SLC4A5: variants seen among roughly 807,000 people sequenced by gnomAD.
SLC4A5 encodes solute carrier family 4 member 5.
A neutral mutation model predicts 120.4 loss-of-function variants in SLC4A5; 96 were observed. That is an observed-to-expected ratio of 0.80 (90% CI 0.68 to 0.94). The LOEUF is 0.94. SLC4A5 is among the 40% of genes least tolerant of loss of function. The pLI, the probability that SLC4A5 is intolerant of heterozygous loss-of-function variation, is 0.00. For missense variants in SLC4A5, 1,259 were observed against 1,459.5 expected (o/e 0.86, Z 2.24); for synonymous variants, 550 against 571.1 (o/e 0.96, Z 0.53).
intron 8 of SLC4A5, among the ~76,000 whole-genome samples, chr2:74,283,691 T>C (rs891689085): frequency 1.3e-5 from 2 of 152,190 alleles, no homozygotes; most frequent in Admixed American, 1.3e-4. Flanking sequence ...GAGACAGACC[T>C]GGGCACGGTT....
chr2:74,274,926 A>T (rs1029409159), intron 8 of SLC4A5, among the ~76,000 whole-genome samples: 1 of 152,166 alleles, frequency 6.6e-6, no homozygotes, highest in Non-Finnish European at 1.5e-5. Context: ...TAGACTTAGG[A>T]TGATCTTTCA....
intron 16 of SLC4A5, among the ~76,000 whole-genome samples, chr2:74,251,209 G>A (rs956536423): frequency 3.3e-5 from 5 of 151,710 alleles, no homozygotes; most frequent in Admixed American, 1.3e-4. Flanking sequence ...TCCCCTCTCC[G>A]GTTGTGACAA....
chr2:74,285,682 G>T, intron 8 of SLC4A5, 91 bp downstream of exon 8: 1 of 1,508,402 alleles, frequency 6.6e-7, no homozygotes, highest in Non-Finnish European at 9.0e-7. Flanking sequence ...AGCTCTCAAG[G>T]TACAAGGTGC....
chr2:74,284,218 G>A lies in SLC4A5; in HGVS notation c.401+1555C>T, dbSNP rs528562588. On this transcript the variant is annotated intron_variant, in intron 8 of 30. Coordinates refer to ENST00000394019, the Ensembl canonical transcript of SLC4A5. The stretch of plus-strand genomic sequence containing the variant: ...GGAGTCTCGCTCTGTCGCCCAGGTC[G>A]GACTGCGGACTGCAGTGGCGCAATC... Among the ~76,000 whole-genome samples, 6 of 67,936 alleles carry A rather than the reference G, an allele frequency of 8.8e-5. 1 individual carries two copies. Among genetic ancestry groups the A allele is most frequent in the Non-Finnish European group, 1.3e-4 (6 of 44,916 alleles). The allele number at this position is 67,936 out of a possible 152,430, so 44.6% of individuals were successfully genotyped here. A position where few individuals can be genotyped will look rare whatever the true frequency, so the allele number is the denominator to read the frequency against.
chr2:74,286,024 A>G (rs1671971456), intron 7 of SLC4A5, 122 bp from the exon 8 acceptor site: 3 of 1,186,504 alleles, frequency 2.5e-6, no homozygotes, highest in Non-Finnish European at 3.4e-6. Context: ...CTGTAAAACT[A>G]AGTCCAGCTC....
chr2:74,219,580 A>G (rs900979309), intron 30 of SLC4A5, among the ~76,000 whole-genome samples: 11 of 152,128 alleles, frequency 7.2e-5, no homozygotes, highest in African/African-American at 2.2e-4. Flanking sequence ...AGGTTGGGAG[A>G]TACCATCTCC....
chr2:74,254,401 GGTTA>G (rs1670893087), intron 14 of SLC4A5, among the ~76,000 whole-genome samples: 1 of 152,140 alleles, frequency 6.6e-6, no homozygotes, highest in Non-Finnish European at 1.5e-5. Flanking sequence ...GCTAGCACAT[GGTTA>G]GTTTTACAAT....
At chr2:74,224,731 AG>A in intron 28 of SLC4A5, 108 bp downstream of exon 28, 1 of 1,464,790 alleles carries the variant, frequency 6.8e-7, no homozygotes, top group South Asian at 1.4e-5. Context: ...GACTGGGCCG[AG>A]GCACTGCTGC....
chr2:74,244,575 TTCC>T (rs1326751056), intron 19 of SLC4A5, among the ~76,000 whole-genome samples: 14 of 149,750 alleles, frequency 9.3e-5, no homozygotes, highest in African/African-American at 1.2e-4. Context: ...CTTCTTCTTC[TTCC>T]TCCTCCTCCT....
In SLC4A5 at chr2:74,230,706, G is replaced by T. The variant is rs77025584; in HGVS notation, c.2847+530C>A. On this transcript the variant is annotated intron_variant, in intron 25 of 30. Transcript: ENST00000394019. ...GTGGCCCTGGGATGGGTGGGAGAGA[G>T]GATTGGTGATGATAAAAAACTGCAG... 9.0e-3 allele frequency among the ~76,000 whole-genome samples: 1,373 copies of T among 152,204 alleles called. 24 individuals are homozygous for T. The highest frequency in any genetic ancestry group is 0.032 in the African/African-American group (1,328 of 41,568).
chr2:74,224,882 C>G (rs778027532), exon 28 of SLC4A5: 1 of 1,613,994 alleles, frequency 6.2e-7, no homozygotes, highest in South Asian at 1.1e-5. Context: ...TTCTCTTCCT[C>G]TTCTTGTCTG....
At chr2:74,325,693 A>T (rs1673200310) in intron 5 of SLC4A5, among the ~76,000 whole-genome samples, 1 of 152,184 alleles carries the variant, frequency 6.6e-6, no homozygotes, top group South Asian at 2.1e-4. Flanking sequence ...ACTATAATTC[A>T]GTGAGGTATA....
exon 7 of SLC4A5, chr2:74,304,527 C>A (rs1179701740): frequency 1.2e-6 from 2 of 1,613,870 alleles, no homozygotes; most frequent in African/African-American, 2.7e-5. Flanking sequence ...GTCCTGGCTG[C>A]TTGCCCCACT....
At chr2:74,261,068 C>T (rs1671118398) in intron 11 of SLC4A5, among the ~76,000 whole-genome samples, 1 of 152,176 alleles carries the variant, frequency 6.6e-6, no homozygotes, top group Admixed American at 6.5e-5. Flanking sequence ...TCAGTGTCTC[C>T]TCCTCTCTGA....
intron 30 of SLC4A5, among the ~76,000 whole-genome samples, chr2:74,220,207 T>C (rs1460920707): frequency 6.6e-6 from 1 of 152,228 alleles, no homozygotes; most frequent in Non-Finnish European, 1.5e-5. Flanking sequence ...GCCCCCACTA[T>C]GTCATCATCA....
intron 4 of SLC4A5, among the ~76,000 whole-genome samples, chr2:74,328,439 T>C (rs1673269599): frequency 6.6e-6 from 1 of 152,246 alleles, no homozygotes; most frequent in Non-Finnish European, 1.5e-5. Flanking sequence ...CTTGGTGATC[T>C]TTTTATGGCA....
intron 8 of SLC4A5, among the ~76,000 whole-genome samples, chr2:74,275,812 T>C (rs1327484384): frequency 6.6e-6 from 1 of 152,242 alleles, no homozygotes; most frequent in Non-Finnish European, 1.5e-5. Context: ...GGTAGGTCTG[T>C]GACTATTTCA....
exon 17 of SLC4A5, chr2:74,250,353 T>C (rs762760983): frequency 6.2e-7 from 1 of 1,614,020 alleles, no homozygotes. Context: ...CTGATAATTG[T>C]CGGTGGCATC....
At chr2:74,302,138 T>C (rs1411396057) in intron 7 of SLC4A5, among the ~76,000 whole-genome samples, 1 of 152,150 alleles carries the variant, frequency 6.6e-6, no homozygotes, top group Admixed American at 6.5e-5. Context: ...GACTTTATTT[T>C]CCCTTTAAAA....
Sources: allele counts gnomAD v4.1 joint callset (sites outside exome capture counted in the v4.1 genomes callset), GRCh38; gene constraint gnomAD v4.1.1; transcripts MANE v1.5; gene names NCBI Gene and HGNC (gene_info 2026-07-23, HGNC 2026-07-21).